The following PTPRD variants were observed in gnomAD, a reference collection of about 807,000 sequenced individuals.
The protein encoded by PTPRD is protein tyrosine phosphatase receptor type D, also known as receptor-type tyrosine-protein phosphatase delta.
PTPRD carries 34 observed loss-of-function variants against 214.5 expected under a neutral mutation model. The ratio of observed to expected loss-of-function variants is 0.16; its 90% CI spans 0.12 to 0.21. The LOEUF (loss-of-function observed/expected upper bound fraction) is 0.21, where lower values mean the gene tolerates loss of function less well. PTPRD is among the 10% of genes least tolerant of loss of function. The pLI is 1.00. For missense variants in PTPRD, 2,545 were observed against 2,398.7 expected (o/e 1.06, Z -1.27); for synonymous variants, 1,128 against 845.7 (o/e 1.33, Z -5.79).
intron 2 of PTPRD, among the ~76,000 whole-genome samples, chr9:10,605,110 G>C (rs543062957): frequency 1.3e-5 from 2 of 151,842 alleles, no homozygotes; most frequent in African/African-American, 4.8e-5. Flanking sequence ...CATTTAAATT[G>C]CACTTTTGCC....
chr9:9,716,671 C>A (rs1293867587), intron 7 of PTPRD, among the ~76,000 whole-genome samples: 1 of 152,148 alleles, frequency 6.6e-6, no homozygotes, highest in Non-Finnish European at 1.5e-5. Context: ...AGTGTCTGTT[C>A]ATGTCCTTTG....
chr9:9,426,520 G>C (rs1349916670), intron 8 of PTPRD, among the ~76,000 whole-genome samples: 1 of 152,188 alleles, frequency 6.6e-6, no homozygotes, highest in African/African-American at 2.4e-5. Context: ...AACTTCTGCA[G>C]ACTTAAAGGT....
At chr9:9,511,928 T>G (rs188865439) in intron 8 of PTPRD, among the ~76,000 whole-genome samples, 18 of 151,896 alleles carry the variant, frequency 1.2e-4, no homozygotes, top group African/African-American at 4.3e-4. Context: ...GCTATTTGCA[T>G]TCTTCCTATT....
chr9:9,694,556 T>C (rs1224584105), intron 7 of PTPRD, among the ~76,000 whole-genome samples: 1 of 151,940 alleles, frequency 6.6e-6, no homozygotes, highest in Non-Finnish European at 1.5e-5. Context: ...CCCTTCAGGA[T>C]TGCGAGTTCC....
intron 4 of PTPRD, among the ~76,000 whole-genome samples, chr9:9,992,832 G>C (rs1276179941): frequency 6.6e-6 from 1 of 152,038 alleles, no homozygotes; most frequent in Non-Finnish European, 1.5e-5. Context: ...GATAGCATTA[G>C]GAGATAAACC....
intron 7 of PTPRD, among the ~76,000 whole-genome samples, chr9:9,612,975 A>T (rs2094596872): frequency 6.6e-6 from 1 of 151,406 alleles, no homozygotes. Flanking sequence ...GTGGTTCTCA[A>T]ACTTTATTGT....
At position 9,302,590 on chromosome 9, in the gene PTPRD, G is replaced by GT. The variant is rs761833535; in HGVS notation, c.-203+94858dup. On this transcript the variant is annotated intron_variant, in intron 9 of 45. Transcript: ENST00000381196. ...AATATTGACCACATCATGTTTTGTAGTTTTTTTTTTCTTTTTTTTTTTTTT... is the reference window on the plus strand; with the variant it reads ...AATATTGACCACATCATGTTTTGTAGTTTTTTTTTTTCTTTTTTTTTTTTTT... Among the ~76,000 whole-genome samples, 704 of 84,574 alleles carry GT rather than the reference G, an allele frequency of 8.3e-3. 5 individuals are homozygous for GT. Among genetic ancestry groups the GT allele is most frequent in the South Asian group, 0.045 (112 of 2,466 alleles). 55.5% of individuals were successfully genotyped at this position (84,574 alleles called of 152,430 possible). A position where few individuals can be genotyped will look rare whatever the true frequency, so the allele number is the denominator to read the frequency against.
intron 7 of PTPRD, among the ~76,000 whole-genome samples, chr9:9,603,873 G>A (rs998548682): frequency 5.9e-5 from 9 of 151,884 alleles, no homozygotes; most frequent in Non-Finnish European, 1.5e-5. Flanking sequence ...TTTAGTTTCA[G>A]GGGTACAGGT....
chr9:8,508,175 T>TA (rs1158983670), intron 21 of PTPRD, among the ~76,000 whole-genome samples: 3 of 152,224 alleles, frequency 2.0e-5, no homozygotes, highest in Admixed American at 6.5e-5. Context: ...TATGGTAACT[T>TA]AAAGAGATCA....
chr9:9,523,729 G>C (rs78459723), intron 8 of PTPRD, among the ~76,000 whole-genome samples: 1 of 152,070 alleles, frequency 6.6e-6, no homozygotes, highest in African/African-American at 2.4e-5. Context: ...CAACCTCTGA[G>C]ACAGCATGTG....
chr9:10,190,478 G>A lies in PTPRD; in HGVS notation c.-545+150485C>T, dbSNP rs112811683. Among the ~76,000 whole-genome samples, 134 of 148,262 alleles carry A rather than the reference G, an allele frequency of 9.0e-4. 2 individuals carry two copies. In the Middle Eastern group the frequency reaches 0.014, roughly 15 times the overall value. On this transcript the variant is annotated intron_variant, in intron 3 of 45. Transcript: ENST00000381196. ...TATGCCTGTAATCCCAGTACTTTGT[G>A]AGGCCGAGGCAGGTGGATCACCTGA...
intron 9 of PTPRD, among the ~76,000 whole-genome samples, chr9:9,210,853 T>G (rs906017014): frequency 2.0e-5 from 3 of 152,088 alleles, no homozygotes; most frequent in African/African-American, 4.8e-5. Flanking sequence ...GTGGTTAATT[T>G]TGTTTCCTTT....
At chr9:9,673,901 GAAGT>G (rs949408202) in intron 7 of PTPRD, among the ~76,000 whole-genome samples, 1 of 151,670 alleles carries the variant, frequency 6.6e-6, no homozygotes, top group African/African-American at 2.4e-5. Context: ...GTACTCGATA[GAAGT>G]AACTCCCAAT....
intron 2 of PTPRD, among the ~76,000 whole-genome samples, chr9:10,483,975 G>A (rs572469568): frequency 3.3e-5 from 5 of 152,038 alleles, no homozygotes; most frequent in Non-Finnish European, 7.4e-5. Context: ...ATTCAAACAT[G>A]TATATCGCAG....
rs1389694947 is a variant in PTPRD, at chr9:8,964,196, T to TTG, written c.-104+54500_-104+54501insCA. ...ATCTATCTAGTTCAGGGCTGTGTTT[T>TTG]TTTTTTTTTTTTTTTTTTTTTGCTG... On this transcript the variant is annotated intron_variant, in intron 11 of 45. Transcript: ENST00000381196. Among the ~76,000 whole-genome samples, 96 of 141,268 alleles carry TTG rather than the reference T, an allele frequency of 6.8e-4. 1 individual carries two copies. The highest frequency in any genetic ancestry group is 1.1e-3 in the Non-Finnish European group (72 of 65,094). 92.7% of individuals were successfully genotyped at this position (141,268 alleles called of 152,430 possible). A position where few individuals can be genotyped will look rare whatever the true frequency, so the allele number is the denominator to read the frequency against.
At chr9:9,022,731 C>T (rs2099574101) in intron 10 of PTPRD, among the ~76,000 whole-genome samples, 2 of 152,180 alleles carry the variant, frequency 1.3e-5, no homozygotes, top group South Asian at 4.1e-4. Flanking sequence ...AGAACTTGAA[C>T]ACTTTTTCTT....
intron 2 of PTPRD, among the ~76,000 whole-genome samples, chr9:10,403,494 A>T (rs1478570157): frequency 1.3e-5 from 2 of 151,452 alleles, no homozygotes; most frequent in African/African-American, 4.8e-5. Flanking sequence ...AATGCTGGCC[A>T]GGATGTGCAT....
At chr9:9,183,016 T>C (rs73403458) in intron 10 of PTPRD, among the ~76,000 whole-genome samples, 8 of 151,922 alleles carry the variant, frequency 5.3e-5, no homozygotes, top group Non-Finnish European at 1.2e-4. Flanking sequence ...TTTAACCGAT[T>C]GTTAGATTTC....
intron 9 of PTPRD, among the ~76,000 whole-genome samples, chr9:9,329,160 C>T (rs896652000): frequency 1.3e-5 from 2 of 151,918 alleles, no homozygotes; most frequent in African/African-American, 4.8e-5. Context: ...GTAATGACAA[C>T]GAGAGTCATC....
Sources: gnomAD v4.1 joint callset for allele counts (sites outside exome capture counted in the v4.1 genomes callset) on GRCh38, gnomAD v4.1.1 for gene constraint, MANE v1.5 for transcripts, NCBI Gene and HGNC (gene_info 2026-07-23, HGNC 2026-07-21) for gene names.